CP: variants seen among roughly 807,000 people sequenced by gnomAD.
CP encodes the protein caeruloplasmin.
A neutral mutation model predicts 122.4 loss-of-function variants in CP; 64 were observed. The observed-to-expected ratio is 0.52, with a 90% CI of 0.43 to 0.64. CP has a LOEUF of 0.64. Ranked by LOEUF, CP falls within the 30% of genes least tolerant of loss-of-function variation. CP has a pLI of 0.00. For synonymous variants in CP, 440 were observed against 436.4 expected, an observed-to-expected ratio of 1.01 and a Z score of -0.10; for missense variants, 1,167 against 1,284.4, an observed-to-expected ratio of 0.91 and a Z score of 1.40.
At chr3:149,192,737 A>G (rs1000459864) in intron 9 of CP, among the ~76,000 whole-genome samples, 1 of 151,994 alleles carries the variant, frequency 6.6e-6, no homozygotes, top group Non-Finnish European at 1.5e-5. Flanking sequence ...ATAATTGAAA[A>G]TGAATATCTG....
intron 1 of CP, among the ~76,000 whole-genome samples, chr3:149,219,653 G>C (rs1728685550): frequency 1.3e-5 from 2 of 151,928 alleles, no homozygotes; most frequent in Middle Eastern, 3.4e-3. Context: ...ACCCAGTCTT[G>C]AGTATGTCTT....
chr3:149,201,287 A>AT (rs1412103281), intron 7 of CP, among the ~76,000 whole-genome samples: 2 of 150,828 alleles, frequency 1.3e-5, no homozygotes, highest in Non-Finnish European at 3.0e-5. Flanking sequence ...CGCCCGGCTA[A>AT]TTTTTTTTGT....
chr3:149,193,583 A>G (rs1046501365), intron 9 of CP, among the ~76,000 whole-genome samples: 2 of 152,190 alleles, frequency 1.3e-5, no homozygotes, highest in Non-Finnish European at 2.9e-5. Context: ...GTGTTCATGA[A>G]ATATTTTCAT....
Position 149,167,242 on chromosome 3 carries a change from T to C in CP, c.587-1192A>G, listed in dbSNP as rs1476066527. The C allele has an allele frequency of 1.2e-6, 2 of 1,608,830 alleles. No homozygotes were observed. The highest frequency in any genetic ancestry group is 4.5e-5 in the East Asian group (2 of 44,730). ...CATGAACTGAAAGAAGAGAACCGGG[T>C]ATGCTTTTTCAGATTATGTTTTTAG... On this transcript the variant is annotated intron_variant, in intron 4 of 5. Transcript: ENST00000479771.
intron 4 of CP, 140 bp downstream of exon 4, chr3:149,209,071 C>A: frequency 9.1e-7 from 1 of 1,104,548 alleles, no homozygotes; most frequent in Non-Finnish European, 1.3e-6. Context: ...AGCTGAATAT[C>A]AAATTGCACA....
intron 14 of CP, 112 bp downstream of exon 14, chr3:149,181,893 A>C: frequency 5.0e-6 from 6 of 1,209,622 alleles, no homozygotes; most frequent in Non-Finnish European, 6.1e-6. Context: ...CCTCTTCACA[A>C]CTACCTCCCT....
At chr3:149,213,662 G>A (rs1728266683) in intron 1 of CP, among the ~76,000 whole-genome samples, 2 of 143,658 alleles carry the variant, frequency 1.4e-5, no homozygotes, top group African/African-American at 2.5e-5. Context: ...GTGTGTGTGT[G>A]TGTGTGTGTG....
chr3:149,200,028 T>C (rs1260889448), intron 7 of CP, 164 bp from the exon 8 acceptor site: 9 of 684,516 alleles, frequency 1.3e-5, no homozygotes, highest in Non-Finnish European at 1.8e-5. Flanking sequence ...ATAATCAATC[T>C]GATATGTCGA....
chr3:149,182,650 G>A (rs1030694105), intron 13 of CP, among the ~76,000 whole-genome samples: 1 of 152,138 alleles, frequency 6.6e-6, no homozygotes, highest in African/African-American at 2.4e-5. Flanking sequence ...TCGAGTTCTA[G>A]ACATTCTGTC....
At chr3:149,210,770 G>A (rs1432757209) in intron 2 of CP, among the ~76,000 whole-genome samples, 1 of 152,016 alleles carries the variant, frequency 6.6e-6, no homozygotes, top group Non-Finnish European at 1.5e-5. Flanking sequence ...CTCAATTTTG[G>A]AAATTTCCAA....
At chr3:149,212,932 A>G (rs939584601) in intron 1 of CP, among the ~76,000 whole-genome samples, 3 of 152,260 alleles carry the variant, frequency 2.0e-5, no homozygotes, top group African/African-American at 7.2e-5. Flanking sequence ...CTGCGAAGGC[A>G]TCATAGAAAT....
intron 11 of CP, 106 bp downstream of exon 11, chr3:149,186,414 G>A: frequency 9.3e-7 from 1 of 1,077,478 alleles, no homozygotes; most frequent in Non-Finnish European, 1.4e-6. Flanking sequence ...GCACTTCAGA[G>A]GCTTGGGGAA....
intron 7 of CP, among the ~76,000 whole-genome samples, chr3:149,200,341 C>T (rs1727216314): frequency 6.6e-6 from 1 of 152,006 alleles, no homozygotes; most frequent in Non-Finnish European, 1.5e-5. Context: ...ATATATTTTA[C>T]ATAAATATTT....
At chr3:149,172,284 A>G (rs1415667162), downstream of CP, 7 of 1,411,126 alleles carry the variant, frequency 5.0e-6, no homozygotes, top group South Asian at 7.0e-5. Context: ...ATTGAATGCC[A>G]AAGTACAAGT....
chr3:149,184,225 C>G (rs1559939550), intron 12 of CP, among the ~76,000 whole-genome samples: 1 of 151,454 alleles, frequency 6.6e-6, no homozygotes. Flanking sequence ...TTAGTAGAGA[C>G]GGGGTTTCAC....
Position 149,206,202 on chromosome 3 carries a change from T to C in CP, c.1174A>G (p.Ile392Val), listed in dbSNP as rs370460129. The C allele has an allele frequency of 6.2e-7, 1 of 1,614,006 alleles. No homozygotes were observed. Reference protein sequence around the residue: ...IWNYAPSGIDIFTKENLTAPG... With the variant: ...IWNYAPSGIDVFTKENLTAPG... ...GCTGTTAAGTTTTCTTTAGTGAAGA[T>C]GTCTATACCAGAGGGAGCATAGTTC... The change falls in exon 6 of 19, where the codon ATC (isoleucine) becomes GTC (valine). Residue 392 changes from isoleucine to valine, a missense_variant. Physicochemically the swap from Ile to Val is conservative, Grantham distance 29. Transcript: ENST00000264613.
intron 4 of CP, 77 bp downstream of exon 4, chr3:149,209,134 T>C (rs1445272842): frequency 6.4e-7 from 1 of 1,559,556 alleles, no homozygotes; most frequent in Non-Finnish European, 8.8e-7. Flanking sequence ...TACTTATTTA[T>C]GTGAGGGAAT....
intron 5 of CP, among the ~76,000 whole-genome samples, chr3:149,164,719 T>C (rs1724232419): frequency 6.6e-6 from 1 of 152,204 alleles, no homozygotes; most frequent in Admixed American, 6.5e-5. Flanking sequence ...CCCTCATTGC[T>C]TCTGACCTGA....
chr3:149,209,742 C>T (rs552177322), intron 3 of CP, among the ~76,000 whole-genome samples: 4 of 152,170 alleles, frequency 2.6e-5, no homozygotes, highest in Non-Finnish European at 4.4e-5. Context: ...AATTGTATTT[C>T]AGGCTCTTGA....
Sources: gnomAD v4.1 joint callset for allele counts (sites outside exome capture counted in the v4.1 genomes callset) on GRCh38, gnomAD v4.1.1 for gene constraint, MANE v1.5 for transcripts, NCBI Gene and HGNC (gene_info 2026-07-23, HGNC 2026-07-21) for gene names.